The following GYPE variants were observed in gnomAD, a reference collection of about 807,000 sequenced individuals.
The protein encoded by GYPE is glycophorin-E.
Under a neutral mutation model 11.6 loss-of-function variants are expected in GYPE, and 8 were observed. The ratio of observed to expected loss-of-function variants is 0.69; its 90% confidence interval spans 0.41 to 1.25. The LOEUF (loss-of-function observed/expected upper bound fraction) is 1.25, where lower values mean the gene tolerates loss of function less well. Ranked by LOEUF, GYPE falls within the 50% of genes most tolerant of loss-of-function variation. GYPE has a pLI of 0.01. For missense variants in GYPE, 90 were observed against 92.8 expected (o/e 0.97, Z 0.12); for synonymous variants, 28 against 29.6 (o/e 0.94, Z 0.18).
intron 1 of GYPE, among the ~76,000 whole-genome samples, chr4:143,889,164 G>A (rs62338502): frequency 0.24 from 36,185 of 150,330 alleles, 5,318 homozygotes; most frequent in South Asian, 0.32. Flanking sequence ...ATTCTATCTC[G>A]AAGGTGTTGT....
At chr4:143,890,488 T>A (rs990028748) in intron 1 of GYPE, among the ~76,000 whole-genome samples, 16 of 152,236 alleles carry the variant, frequency 1.1e-4, no homozygotes, top group East Asian at 3.9e-4. Context: ...ACTTCCTTTC[T>A]CTGGTTGAAC....
In GYPE at chr4:143,871,033, T is replaced by C. The variant is rs1743602217; in HGVS notation, c.*1229A>G. The C allele has an allele frequency of 6.7e-6, 1 of 149,904 alleles. No homozygotes were observed. Among genetic ancestry groups the C allele is most frequent in the African/African-American group, 2.5e-5 (1 of 39,676 alleles). 9.3% of individuals were successfully genotyped at this position (149,904 alleles called of 1,614,324 possible). On this transcript the variant is annotated 3_prime_UTR_variant, in exon 4 of 4. Transcript: ENST00000358615. ...GAAGGGGGAAGCTCCTTTATAAAAC[T>C]ATCAGATTATGTGAGAATTTACTCA...
At chr4:143,876,031 A>T (rs1309990086) in intron 3 of GYPE, among the ~76,000 whole-genome samples, 8 of 152,084 alleles carry the variant, frequency 5.3e-5, no homozygotes, top group African/African-American at 1.9e-4. Context: ...TGATGTTAAG[A>T]ATTCATGGGT....
rs1488600169 is a variant in GYPE, at chr4:143,870,975, T to G, written c.*1287A>C. On this transcript the variant is annotated 3_prime_UTR_variant, in exon 4 of 4. Coordinates refer to ENST00000358615, the MANE Select transcript of GYPE (RefSeq NM_198682.3). ...GGGAAACAAACACATCTTTCTTACATAGTGGCAGGAAGGAGAAGAATGAGA... is the reference window on the plus strand; with the variant it reads ...GGGAAACAAACACATCTTTCTTACAGAGTGGCAGGAAGGAGAAGAATGAGA... 1 of 151,890 alleles carries G rather than the reference T, an allele frequency of 6.6e-6. No individual in the cohort carries two copies. Among genetic ancestry groups the G allele is most frequent in the Non-Finnish European group, 1.5e-5 (1 of 68,022 alleles). The allele number at this position is 151,890 out of a possible 1,614,324, so 9.4% of individuals were successfully genotyped here.
At chr4:143,895,587 A>T (rs371952671) in intron 1 of GYPE, among the ~76,000 whole-genome samples, 110 of 147,962 alleles carry the variant, frequency 7.4e-4, no homozygotes, top group African/African-American at 1.6e-3. Flanking sequence ...CTGCCCAAGG[A>T]AATTTATAGA....
chr4:143,902,662 T>C (rs1037848813), intron 1 of GYPE, among the ~76,000 whole-genome samples: 9 of 151,534 alleles, frequency 5.9e-5, no homozygotes, highest in African/African-American at 1.9e-4. Context: ...TCCCTTCACC[T>C]CCTTCCTTGC....
intron 1 of GYPE, among the ~76,000 whole-genome samples, chr4:143,896,079 T>C (rs1744619559): frequency 6.6e-6 from 1 of 152,132 alleles, no homozygotes; most frequent in Non-Finnish European, 1.5e-5. Flanking sequence ...GGCATTACCA[T>C]TCAGGACATA....
chr4:143,878,599 A>G (rs1267387561), intron 2 of GYPE: 2 of 466,094 alleles, frequency 4.3e-6, no homozygotes, highest in East Asian at 6.8e-5. Flanking sequence ...GGATAGTTTA[A>G]AATGGAATGA....
chr4:143,901,007 T>A (rs1365154155), intron 1 of GYPE, among the ~76,000 whole-genome samples: 1 of 152,216 alleles, frequency 6.6e-6, no homozygotes, highest in Non-Finnish European at 1.5e-5. Context: ...TTTTAAAAAT[T>A]AAGTGTATGT....
chr4:143,875,505 C>T lies in GYPE; in HGVS notation c.*9+1241G>A, dbSNP rs1190946464. ...TCAGGCAGCATGCAGGCCACATCCT[C>T]ATGCCTGTGATAAAAAGACAGAAGT... On this transcript the variant is annotated intron_variant, in intron 3 of 3. Coordinates refer to ENST00000358615, the MANE Select transcript of GYPE (RefSeq NM_198682.3). The T allele has an allele frequency of 3.4e-5, 53 of 1,551,074 alleles. No homozygotes were observed. The East Asian group carries it at 9.8e-4, about 29-fold the overall frequency.
chr4:143,874,466 C>T (rs1012869685), intron 3 of GYPE, among the ~76,000 whole-genome samples: 2 of 152,198 alleles, frequency 1.3e-5, no homozygotes, highest in African/African-American at 4.8e-5. Context: ...AAAGCAGTCA[C>T]CTTGAGAGGT....
intron 1 of GYPE, 126 bp from the exon 2 acceptor site, chr4:143,880,635 C>G (rs1455352832): frequency 2.9e-6 from 4 of 1,371,510 alleles, no homozygotes; most frequent in Non-Finnish European, 4.1e-6. Flanking sequence ...TGGTATATAT[C>G]TTACATAATC....
At chr4:143,883,216 C>T (rs187540777) in intron 1 of GYPE, among the ~76,000 whole-genome samples, 4 of 151,958 alleles carry the variant, frequency 2.6e-5, no homozygotes, top group Admixed American at 6.6e-5. Flanking sequence ...CTCTCTCTCC[C>T]GACTCTCTCT....
chr4:143,885,504 C>A (rs1174843486), intron 1 of GYPE, among the ~76,000 whole-genome samples: 8 of 152,182 alleles, frequency 5.3e-5, no homozygotes, highest in African/African-American at 1.7e-4. Context: ...GAAGTGAAGG[C>A]TGAAACCCCA....
chr4:143,895,795 G>T (rs1049059121), intron 1 of GYPE, among the ~76,000 whole-genome samples: 7 of 151,812 alleles, frequency 4.6e-5, no homozygotes, highest in African/African-American at 1.7e-4. Flanking sequence ...CATGGTACTG[G>T]TACCAAAACA....
chr4:143,877,985 A>G (rs1275872374), intron 2 of GYPE, among the ~76,000 whole-genome samples: 1 of 149,138 alleles, frequency 6.7e-6, no homozygotes, highest in African/African-American at 2.5e-5. Flanking sequence ...ACATGAGGGC[A>G]GAGGGAACTT....
chr4:143,902,344 A>G (rs1423495396), intron 1 of GYPE, among the ~76,000 whole-genome samples: 1 of 146,170 alleles, frequency 6.8e-6, no homozygotes, highest in African/African-American at 2.5e-5. Flanking sequence ...ATCCCTGAAA[A>G]AAAAAAAAAA....
intron 1 of GYPE, among the ~76,000 whole-genome samples, chr4:143,899,354 T>G (rs1389469135): frequency 1.3e-5 from 2 of 152,216 alleles, no homozygotes; most frequent in Non-Finnish European, 2.9e-5. Flanking sequence ...CTTGCAAAAT[T>G]AACTTGATCT....
chr4:143,872,677 C>G (rs192503233), intron 3 of GYPE, among the ~76,000 whole-genome samples: 150 of 151,992 alleles, frequency 9.9e-4, no homozygotes, highest in African/African-American at 3.4e-3. Context: ...ACATCGTAAA[C>G]AAAGCAGATA....
Sources: allele counts gnomAD v4.1 joint callset (sites outside exome capture counted in the v4.1 genomes callset), GRCh38; gene constraint gnomAD v4.1.1; transcripts MANE v1.5; gene names NCBI Gene and HGNC (gene_info 2026-07-23, HGNC 2026-07-21).